The following LCORL variants were observed in gnomAD, a reference collection of about 807,000 sequenced individuals.
LCORL encodes ligand dependent nuclear receptor corepressor like, also known as ligand-dependent nuclear receptor corepressor-like protein.
LCORL carries 41 observed loss-of-function variants against 141.8 expected under a neutral mutation model. The observed-to-expected ratio is 0.29, with a 90% confidence interval of 0.23 to 0.38. The LOEUF is 0.38. LCORL is among the 10% of genes least tolerant of loss of function. The probability of loss-of-function intolerance (pLI) is 1.00; values close to 1 mark genes in which losing one functional copy is unlikely to be tolerated. For synonymous variants in LCORL, 618 were observed against 694.1 expected (o/e 0.89, Z 1.72); for missense variants, 1,759 against 2,035.0 (o/e 0.86, Z 2.61).
chr4:17,979,018 G>C (rs981950782), intron 1 of LCORL, among the ~76,000 whole-genome samples: 1 of 152,062 alleles, frequency 6.6e-6, no homozygotes, highest in Non-Finnish European at 1.5e-5. Context: ...GCACGCATTA[G>C]GTATATCTCC....
intron 1 of LCORL, among the ~76,000 whole-genome samples, chr4:17,982,053 C>G (rs1424943133): frequency 1.3e-5 from 2 of 150,610 alleles, no homozygotes; most frequent in Non-Finnish European, 2.9e-5. Context: ...TATGTCCCTG[C>G]AAAGGACATG....
At chr4:17,881,980 GAA>G (rs35105182) in intron 6 of LCORL, 3,776 of 830,136 alleles carry the variant, frequency 4.5e-3, no homozygotes, top group Non-Finnish European at 5.0e-3. Flanking sequence ...TTCTTGGGGT[GAA>G]AAAAAAAAAA....
chr4:17,989,740 G>C (rs1485742872), intron 1 of LCORL, among the ~76,000 whole-genome samples: 1 of 152,212 alleles, frequency 6.6e-6, no homozygotes, highest in African/African-American at 2.4e-5. Context: ...TATCTACTGT[G>C]ATATAACAAA....
chr4:17,983,616 T>C (rs376629032), intron 1 of LCORL, among the ~76,000 whole-genome samples: 2 of 151,840 alleles, frequency 1.3e-5, no homozygotes, highest in African/African-American at 4.9e-5. Context: ...ATTGCTTTTG[T>C]ATCCTGAAAT....
chr4:18,013,635 A>T (rs1215870984), intron 1 of LCORL, among the ~76,000 whole-genome samples: 3 of 152,234 alleles, frequency 2.0e-5, no homozygotes, highest in African/African-American at 7.2e-5. Context: ...GTGAGGACTT[A>T]TTAGTTACTG....
At chr4:17,960,341 C>T (rs1577553835) in intron 4 of LCORL, 1 of 154,350 alleles carries the variant, frequency 6.5e-6, no homozygotes, top group East Asian at 1.9e-4. Context: ...TTACTGATTA[C>T]TCTTAATAGG....
intron 1 of LCORL, among the ~76,000 whole-genome samples, chr4:18,003,985 C>T (rs16896245): frequency 0.24 from 36,140 of 152,090 alleles, 5,480 homozygotes; most frequent in African/African-American, 0.43. Context: ...ATGTTAAGAA[C>T]GCAAGAATGC....
intron 7 of LCORL, among the ~76,000 whole-genome samples, chr4:17,851,701 T>C (rs534909610): frequency 1.3e-5 from 2 of 152,160 alleles, no homozygotes; most frequent in South Asian, 2.1e-4. Flanking sequence ...TGACGAGGAG[T>C]AGAATAGCTG....
At chr4:17,932,740 G>A (rs6841568) in intron 4 of LCORL, among the ~76,000 whole-genome samples, 3,744 of 152,156 alleles carry the variant, frequency 0.025, 57 homozygotes, top group Middle Eastern at 0.051. Context: ...TACTGTCTAT[G>A]GATATTTTTG....
chr4:17,922,846 C>G (rs1300096116), intron 4 of LCORL, among the ~76,000 whole-genome samples: 1 of 152,176 alleles, frequency 6.6e-6, no homozygotes, highest in Non-Finnish European at 1.5e-5. Context: ...GAGGAAACAG[C>G]CTCCCCACTC....
intron 7 of LCORL, among the ~76,000 whole-genome samples, chr4:17,861,447 C>T (rs1725004289): frequency 6.6e-6 from 1 of 152,196 alleles, no homozygotes; most frequent in Non-Finnish European, 1.5e-5. Flanking sequence ...CTAGACTGCA[C>T]ACAGCACGGG....
intron 1 of LCORL, among the ~76,000 whole-genome samples, chr4:17,980,112 C>T (rs1306160883): frequency 1.3e-5 from 2 of 152,206 alleles, no homozygotes; most frequent in Admixed American, 1.3e-4. Flanking sequence ...TTTCAGATCT[C>T]TGACCTCCAG....
At chr4:18,007,963 T>TA (rs1040571609) in intron 1 of LCORL, among the ~76,000 whole-genome samples, 11 of 151,910 alleles carry the variant, frequency 7.2e-5, no homozygotes, top group Non-Finnish European at 1.3e-4. Flanking sequence ...GAGTAGTATG[T>TA]AAAAAAAATA....
At chr4:17,894,226 T>C (rs1188865095) in intron 5 of LCORL, among the ~76,000 whole-genome samples, 2 of 152,204 alleles carry the variant, frequency 1.3e-5, no homozygotes, top group South Asian at 2.1e-4. Flanking sequence ...CATTGTAATG[T>C]TGAAAAACTG....
At chr4:17,961,762 A>G (rs1713831878) in intron 4 of LCORL, 141 bp downstream of exon 4, 1 of 601,546 alleles carries the variant, frequency 1.7e-6, no homozygotes, top group South Asian at 2.6e-5. Context: ...CTGTCCCTAA[A>G]AATATAAAGA....
chr4:17,965,455 T>A (rs945977551), intron 2 of LCORL, among the ~76,000 whole-genome samples: 1 of 152,110 alleles, frequency 6.6e-6, no homozygotes, highest in African/African-American at 2.4e-5. Context: ...AAAGATGTTA[T>A]CTCTCTTTTT....
intron 1 of LCORL, among the ~76,000 whole-genome samples, chr4:17,991,002 A>C (rs1233885262): frequency 2.0e-5 from 3 of 152,210 alleles, no homozygotes; most frequent in African/African-American, 7.2e-5. Context: ...TAAAAATAAA[A>C]AGCTTTTTGA....
chr4:18,011,451 T>TCAA (rs894529395), intron 1 of LCORL, among the ~76,000 whole-genome samples: 1 of 151,906 alleles, frequency 6.6e-6, no homozygotes, highest in Non-Finnish European at 1.5e-5. Flanking sequence ...AAAAACAACT[T>TCAA]CAAAGGCTTA....
chr4:17,842,143 T>C, exon 8 of LCORL: 1 of 560,470 alleles, frequency 1.8e-6, no homozygotes, highest in Non-Finnish European at 3.3e-6. Flanking sequence ...GGGTTCCTTT[T>C]TCTGTGGCAG....
Sources: gnomAD v4.1 joint callset for allele counts (sites outside exome capture counted in the v4.1 genomes callset) on GRCh38, gnomAD v4.1.1 for gene constraint, MANE v1.5 for transcripts, NCBI Gene and HGNC (gene_info 2026-07-23, HGNC 2026-07-21) for gene names.